ZBED4: variants seen among roughly 807,000 people sequenced by gnomAD.
The protein encoded by ZBED4 is zinc finger BED domain-containing protein 4.
A neutral mutation model predicts 15.5 loss-of-function variants in ZBED4; 4 were observed. That is an observed-to-expected ratio of 0.26 (90% confidence interval 0.13 to 0.59). The LOEUF is 0.59. ZBED4 is among the 20% of genes least tolerant of loss of function. The probability of loss-of-function intolerance (pLI) is 0.90; values close to 1 mark genes in which losing one functional copy is unlikely to be tolerated. For missense variants in ZBED4, 1,323 were observed against 1,461.8 expected (o/e 0.91, Z 1.55); for synonymous variants, 692 against 608.5 (o/e 1.14, Z -2.02).
At chr22:49,860,284 G>A (rs1053364220) in intron 1 of ZBED4, among the ~76,000 whole-genome samples, 4 of 152,216 alleles carry the variant, frequency 2.6e-5, no homozygotes, top group African/African-American at 9.7e-5. Flanking sequence ...GGGCGACAGA[G>A]TGAGACCCTG....
At chr22:49,873,693 G>GT (rs1340925420) in intron 1 of ZBED4, among the ~76,000 whole-genome samples, 5 of 151,960 alleles carry the variant, frequency 3.3e-5, no homozygotes, top group Non-Finnish European at 7.3e-5. Flanking sequence ...GTGATATGAG[G>GT]TGATATGAGG....
intron 1 of ZBED4, among the ~76,000 whole-genome samples, chr22:49,872,413 C>T (rs1187746124): frequency 6.6e-6 from 1 of 152,238 alleles, no homozygotes; most frequent in East Asian, 1.9e-4. Context: ...TCTGCAGTCA[C>T]TTCCTCCATT....
At position 49,856,841 on chromosome 22, in the gene ZBED4, C is replaced by T. The variant is rs139257167; in HGVS notation, c.-330+2852C>T. 6.7e-3 allele frequency among the ~76,000 whole-genome samples: 1,008 copies of T among 150,038 alleles called. 18 individuals are homozygous for T. Among genetic ancestry groups the T allele is most frequent in the East Asian group, 0.04 (201 of 5,082 alleles). On this transcript the variant is annotated intron_variant, in intron 1 of 1. Transcript: ENST00000216268. ...CGCTGGAATCCCGGCCGGCTTCCCA[C>T]CCCTCGTTCTAGGTGAAGGCCGCGC...
chr22:49,873,525 G>C (rs1237651482), intron 1 of ZBED4, among the ~76,000 whole-genome samples: 2 of 152,200 alleles, frequency 1.3e-5, no homozygotes, highest in African/African-American at 4.8e-5. Flanking sequence ...TAATGGAAAA[G>C]TGTGAAATAT....
At chr22:49,866,340 CTT>C (rs1232526690) in intron 1 of ZBED4, among the ~76,000 whole-genome samples, 2 of 151,972 alleles carry the variant, frequency 1.3e-5, no homozygotes, top group East Asian at 3.9e-4. Context: ...CTTTACGTGT[CTT>C]TTAAATTGGT....
intron 1 of ZBED4, among the ~76,000 whole-genome samples, chr22:49,882,527 A>G (rs12158177): frequency 0.1 from 15,353 of 152,264 alleles, 2,228 homozygotes; most frequent in African/African-American, 0.32. Flanking sequence ...GTTCCTTAGT[A>G]AACTGCTCCA....
Position 49,884,870 on chromosome 22 carries a change from CTGGAGA to C in ZBED4, c.1212_1217del (p.Asp405_Gly406del), listed in dbSNP as rs2060428730. ...GAGGACTTGCAGTCTCACTTGAACC[CTGGAGA>C]TGGGCTGATGGAAGACGTGGCGGCC... On this transcript the variant is annotated inframe_deletion, in exon 2 of 2. Coordinates refer to ENST00000216268, the MANE Select transcript of ZBED4 (RefSeq NM_014838.3). The C allele has an allele frequency of 6.2e-7, 1 of 1,607,308 alleles. No homozygotes were observed. The highest frequency in any genetic ancestry group is 8.5e-7 in the Non-Finnish European group (1 of 1,175,050).
intron 1 of ZBED4, among the ~76,000 whole-genome samples, chr22:49,862,278 T>C (rs750566682): frequency 6.6e-6 from 1 of 152,198 alleles, no homozygotes; most frequent in Non-Finnish European, 1.5e-5. Context: ...TTCTCTGTCT[T>C]TCTTATTTTT....
rs144634675 is a variant in ZBED4 at position 49,885,536 on chromosome 22, C to T, written c.1874C>T (p.Pro625Leu). 7.3e-5 allele frequency: 118 copies of T among 1,607,640 alleles called. No individual in the cohort carries two copies. In the African/African-American group the frequency reaches 1.1e-3, roughly 16 times the overall value. The change falls in exon 2 of 2, where the codon CCG (proline) becomes CTG (leucine). Residue 625 changes from proline (P) to leucine (L), a missense_variant. Pro to Leu is a moderately conservative substitution (Grantham distance 98). Around this residue, in one of 6 missense-constraint regions of ZBED4, gnomAD observed 429 missense variants for 397.9 expected, o/e 1.08. Coordinates refer to ENST00000216268, the MANE Select transcript of ZBED4 (RefSeq NM_014838.3). The stretch of plus-strand genomic sequence containing the variant: ...TCGGAGACGGCTCGGCCCTCCTCTC[C>T]GGACACCCGGGTGCCGCGGGGCACA... ...EVSETARPSS[P>L]DTRVPRGTEL...
rs757722107 is a variant in ZBED4, at chr22:49,884,754, G to T, written c.1092G>T (p.Pro364=). Reference sequence around the variant, plus strand: ...CCACTCTGCTGCCTTCCTTGCTGCCGCCGGAGGGGGAGCTCAGCTCTGTGT... The same window carrying T: ...CCACTCTGCTGCCTTCCTTGCTGCCTCCGGAGGGGGAGCTCAGCTCTGTGT... ...TPPTLLPSLL[P]PEGELSSVSS... is the part of the protein sequence containing the mutation. Residue 364 remains proline, a synonymous_variant, in exon 2 of 2, where the codon CCG becomes CCT. Transcript: ENST00000216268. The T allele has an allele frequency of 6.3e-7, 1 of 1,594,516 alleles. No individual in the cohort carries two copies. Among genetic ancestry groups the T allele is most frequent in the Non-Finnish European group, 8.6e-7 (1 of 1,167,226 alleles).
chr22:49,877,866 G>A (rs2060386150), intron 1 of ZBED4, among the ~76,000 whole-genome samples: 1 of 152,134 alleles, frequency 6.6e-6, no homozygotes, highest in African/African-American at 2.4e-5. Flanking sequence ...CACTCTGCAG[G>A]ATTGTTTCGA....
rs1569166116 is a variant in ZBED4, at chr22:49,886,581, G to A, written c.2919G>A (p.Glu973=). ...ILNRKVEMLF[E]ETMGIDTMLR... is the part of the protein sequence containing the mutation. Reference sequence around the variant, plus strand: ...ACAGGAAGGTGGAGATGCTCTTCGAGGAGACGATGGGCATCGACACCATGC... The same window carrying A: ...ACAGGAAGGTGGAGATGCTCTTCGAAGAGACGATGGGCATCGACACCATGC... The change falls in exon 2 of 2, where the codon GAG becomes GAA. Residue 973 remains glutamate (E), a synonymous_variant. Coordinates refer to ENST00000216268, the MANE Select transcript of ZBED4 (RefSeq NM_014838.3). This position sits in a 1 kb window ranked among gnomAD's most constrained non-coding sequence, Gnocchi z 7.7. 6.4e-7 allele frequency: 1 copy of A among 1,555,182 alleles called. No individual in the cohort carries two copies. Among genetic ancestry groups the A allele is most frequent in the Non-Finnish European group, 8.7e-7 (1 of 1,149,220 alleles).
intron 1 of ZBED4, among the ~76,000 whole-genome samples, chr22:49,869,123 A>G (rs1200854233): frequency 2.7e-5 from 4 of 147,028 alleles, no homozygotes; most frequent in Non-Finnish European, 6.0e-5. Flanking sequence ...AACTGTCTCA[A>G]AAAAAAAAAA....
Position 49,859,546 on chromosome 22 carries a change from G to A in ZBED4, c.-330+5557G>A, listed in dbSNP as rs953390243. Among the ~76,000 whole-genome samples, 4 of 152,180 alleles carry A rather than the reference G, an allele frequency of 2.6e-5. No individual in the cohort carries two copies. The South Asian group carries it at 8.3e-4, about 32-fold the overall frequency. On this transcript the variant is annotated intron_variant, in intron 1 of 1. Transcript: ENST00000216268. ...CCTGCGTCAGCTGCTTCTCCACAGC[G>A]CCTGGGTTCCTTTTAGTGCAGAAAG...
At position 49,886,830 on chromosome 22, in the gene ZBED4, A is replaced by C. The variant is rs770169652; in HGVS notation, c.3168A>C (p.Lys1056Asn). ...SHRCDAGSPS[K>N]DSAAEENLWS... The stretch of plus-strand genomic sequence containing the variant: ...GGTGTGATGCTGGCTCCCCGTCGAA[A>C]GACTCTGCCGCAGAGGAGAACCTGT... Residue 1056 changes from lysine (K) to asparagine (N), a missense_variant, in exon 2 of 2, where the codon AAA becomes AAC. Lys to Asn is a moderately conservative substitution (Grantham distance 94). Coordinates refer to ENST00000216268, the MANE Select transcript of ZBED4 (RefSeq NM_014838.3). The surrounding 1 kb of genome is among the most constrained non-coding windows in gnomAD (Gnocchi z 7.7). The C allele has an allele frequency of 6.2e-7, 1 of 1,613,842 alleles. No individual in the cohort carries two copies.
At chr22:49,867,991 A>G (rs545232712) in intron 1 of ZBED4, among the ~76,000 whole-genome samples, 2 of 152,308 alleles carry the variant, frequency 1.3e-5, no homozygotes, top group Admixed American at 6.5e-5. Flanking sequence ...AGCCTAGGAA[A>G]AGATCAACAT....
chr22:49,858,895 G>A (rs972267897), intron 1 of ZBED4, among the ~76,000 whole-genome samples: 1 of 152,174 alleles, frequency 6.6e-6, no homozygotes, highest in East Asian at 1.9e-4. Flanking sequence ...GTGATCTGGC[G>A]GTGGGAGGCC....
intron 1 of ZBED4, among the ~76,000 whole-genome samples, chr22:49,857,311 A>T (rs1013400100): frequency 1.3e-5 from 2 of 152,242 alleles, no homozygotes; most frequent in Non-Finnish European, 2.9e-5. Flanking sequence ...CGGACCCCCA[A>T]GGTATGGGTA....
intron 1 of ZBED4, among the ~76,000 whole-genome samples, chr22:49,874,224 G>A (rs2060363487): frequency 6.6e-6 from 1 of 152,200 alleles, no homozygotes; most frequent in Admixed American, 6.5e-5. Flanking sequence ...GATGGGAGCT[G>A]CACTGTTTCC....
Sources: gnomAD v4.1 joint callset for allele counts (sites outside exome capture counted in the v4.1 genomes callset) on GRCh38, gnomAD v4.1.1 for gene constraint, gnomAD v4.1.1 regional missense constraint, Gnocchi (gnomAD v3.1) non-coding constraint, MANE v1.5 for transcripts, NCBI Gene and HGNC (gene_info 2026-07-23, HGNC 2026-07-21) for gene names.